Variants in NLRP2 observed in about 807,000 individuals in gnomAD.
NLRP2 encodes NACHT, LRR and PYD domains-containing protein 2.
NLRP2 carries 107 observed loss-of-function variants against 97.2 expected under a neutral mutation model. The ratio of observed to expected loss-of-function variants is 1.10; its 90% CI spans 0.94 to 1.29. The LOEUF (loss-of-function observed/expected upper bound fraction) is 1.29. NLRP2 is among the 50% of genes most tolerant of loss of function. NLRP2 has a pLI of 0.00. For missense variants in NLRP2, 1,495 were observed against 1,330.3 expected (o/e 1.12, Z -1.93); for synonymous variants, 663 against 551.5 (o/e 1.20, Z -2.83).
At chr19:54,987,066 G>T (rs1173763453) in intron 8 of NLRP2, among the ~76,000 whole-genome samples, 3 of 150,142 alleles carry the variant, frequency 2.0e-5, no homozygotes, top group Non-Finnish European at 4.4e-5. Flanking sequence ...TGTATTATTA[G>T]TAGAGATGGA....
chr19:54,982,779 G>T lies in NLRP2; in HGVS notation c.1081G>T (p.Glu361Ter). 5 of 1,614,084 alleles carry T rather than the reference G, an allele frequency of 3.1e-6. No homozygotes were observed. The highest frequency in any genetic ancestry group is 4.2e-6 in the Non-Finnish European group (5 of 1,179,974). Residue 361 changes from glutamate to a stop codon, truncating the protein, a stop_gained, in exon 6 of 13, where the codon GAG becomes TAG. Coordinates refer to ENST00000448584, the MANE Select transcript of NLRP2 (RefSeq NM_017852.5). LOFTEE classifies it high-confidence loss of function. ...PIYIRVEGFL[E>*]EDRRAYFLRH... The stretch of plus-strand genomic sequence containing the variant: ...CTACATAAGGGTGGAGGGCTTCCTG[G>T]AGGAGGACAGGAGGGCCTATTTCCT...
chr19:54,986,707 C>G (rs752028570), intron 8 of NLRP2, among the ~76,000 whole-genome samples: 23 of 152,064 alleles, frequency 1.5e-4, no homozygotes, highest in Non-Finnish European at 3.1e-4. Flanking sequence ...CCCGCCACCA[C>G]GCCCGGCTAA....
chr19:54,972,942 A>G lies in NLRP2; in HGVS notation c.281-1558A>G, dbSNP rs57206170. 1.7e-3 allele frequency among the ~76,000 whole-genome samples: 262 copies of G among 152,152 alleles called. 1 individual carries two copies. The highest frequency in any genetic ancestry group is 6.0e-3 in the African/African-American group (249 of 41,548). On this transcript the variant is annotated intron_variant, in intron 2 of 12. Transcript: ENST00000448584. ...AGTGGCTCACGCCTGTAATCACAGC[A>G]CTTTGGGAGGCCAAGGCGGGTGGAT...
At chr19:55,000,430 C>T (rs1177622962) in intron 12 of NLRP2, among the ~76,000 whole-genome samples, 1 of 150,848 alleles carries the variant, frequency 6.6e-6, no homozygotes, top group African/African-American at 2.4e-5. Flanking sequence ...GCGTCCGCCA[C>T]CACGCCCGGC....
chr19:54,982,093 GTTA>G (rs2071610713), intron 5 of NLRP2, 66 bp from the exon 6 acceptor site: 1 of 1,599,740 alleles, frequency 6.3e-7, no homozygotes, highest in Admixed American at 1.7e-5. Context: ...AAGGCATTTT[GTTA>G]TTTTGGTTTT....
chr19:55,000,723 GCA>G (rs748437049), intron 12 of NLRP2, 35 bp from the exon 13 acceptor site: 7 of 1,609,642 alleles, frequency 4.3e-6, no homozygotes, highest in Non-Finnish European at 5.9e-6. Context: ...TCTCCTTGAT[GCA>G]CAAAGTAACC....
At chr19:54,967,653 AAT>A (rs1555757639) in intron 1 of NLRP2, among the ~76,000 whole-genome samples, 1 of 151,914 alleles carries the variant, frequency 6.6e-6, no homozygotes, top group Non-Finnish European at 1.5e-5. Context: ...CAAAAAAAAA[AAT>A]ATATTGGAAC....
At chr19:54,996,920 T>G (rs1314617148) in intron 11 of NLRP2, among the ~76,000 whole-genome samples, 1 of 152,094 alleles carries the variant, frequency 6.6e-6, no homozygotes, top group Non-Finnish European at 1.5e-5. Context: ...TTTTGTTTGT[T>G]TTTTGAGACC....
chr19:54,982,033 C>T (rs2071607514), intron 5 of NLRP2, 129 bp from the exon 6 acceptor site: 5 of 1,178,212 alleles, frequency 4.2e-6, no homozygotes, highest in Non-Finnish European at 6.2e-6. Flanking sequence ...CTGCCTCGAC[C>T]TCCCAAAGGG....
chr19:54,969,987 T>G lies in NLRP2; in HGVS notation c.-17-12T>G. The G allele has an allele frequency of 6.2e-7, 1 of 1,612,202 alleles. No homozygotes were observed. Among genetic ancestry groups the G allele is most frequent in the Non-Finnish European group, 8.5e-7 (1 of 1,179,788 alleles). On this transcript the variant is annotated splice_polypyrimidine_tract_variant and intron_variant, in intron 1 of 12. Coordinates refer to ENST00000448584, the MANE Select transcript of NLRP2 (RefSeq NM_017852.5). ...CCATCCCTCTCCACTCCTCCCTTGA[T>G]TGTCATCACAGCTCCCACGTGGGAC... is the stretch of plus-strand genomic sequence containing the variant.
intron 8 of NLRP2, 100 bp from the exon 9 acceptor site, chr19:54,989,920 GGC>G: frequency 8.0e-7 from 1 of 1,248,214 alleles, no homozygotes; most frequent in African/African-American, 1.5e-5. Context: ...GAACCCAGGA[GGC>G]GGAGGTTGCT....
intron 10 of NLRP2, among the ~76,000 whole-genome samples, chr19:54,992,465 CTG>C (rs1251135438): frequency 7.1e-6 from 1 of 141,650 alleles, no homozygotes; most frequent in East Asian, 2.1e-4. Flanking sequence ...GACTCACTAA[CTG>C]TATCTTCAAA....
chr19:54,975,746 C>T (rs935226109), intron 3 of NLRP2, among the ~76,000 whole-genome samples: 4 of 151,912 alleles, frequency 2.6e-5, no homozygotes, highest in South Asian at 4.2e-4. Context: ...GCCACCGCGC[C>T]CGGCCCCTGA....
intron 8 of NLRP2, among the ~76,000 whole-genome samples, chr19:54,986,939 C>T (rs930085249): frequency 4.6e-5 from 7 of 151,808 alleles, no homozygotes; most frequent in East Asian, 1.9e-4. Context: ...GGCTGGAGTG[C>T]GTTGGTATGA....
At chr19:54,992,498 TTGTGTG>T (rs994495891) in intron 10 of NLRP2, among the ~76,000 whole-genome samples, 37 of 141,180 alleles carry the variant, frequency 2.6e-4, no homozygotes, top group Non-Finnish European at 3.5e-4. Flanking sequence ...GTTTTTTTGG[TTGTGTG>T]TGTGTGTGGT....
intron 10 of NLRP2, chr19:54,993,917 A>C: frequency 2.7e-6 from 1 of 369,354 alleles, no homozygotes. Flanking sequence ...GAGCATCTTC[A>C]AACGTTGCCC....
Position 54,993,942 on chromosome 19 carries a change from C to T in NLRP2, c.2709-327C>T, listed in dbSNP as rs143865943. ...AAACGTTGCCCTGGCTCCCTTATCA[C>T]GTCACCTCCTGCTGGCTTTGACTCT... On this transcript the variant is annotated intron_variant, in intron 10 of 12. Transcript: ENST00000448584. 4.6e-5 allele frequency: 20 copies of T among 438,504 alleles called. No homozygotes were observed. In the East Asian group the frequency reaches 5.4e-4, roughly 12 times the overall value. 27.2% of individuals were successfully genotyped at this position (438,504 alleles called of 1,614,324 possible).
At position 54,981,691 on chromosome 19, in the gene NLRP2, C is replaced by T; in HGVS notation, c.463+9C>T. ...TAAAGGAAAAAAGCCAGGTCTGTAC[C>T]ATATCTTCCTGCAGGGAGCTTGGGA... On this transcript the variant is annotated intron_variant, in intron 5 of 12. Coordinates refer to ENST00000448584, the MANE Select transcript of NLRP2 (RefSeq NM_017852.5). 1 of 1,454,486 alleles carries T rather than the reference C, an allele frequency of 6.9e-7. No homozygotes were observed. The highest frequency in any genetic ancestry group is 9.7e-7 in the Non-Finnish European group (1 of 1,034,292). 90.1% of individuals were successfully genotyped at this position (1,454,486 alleles called of 1,614,324 possible). A position where few individuals can be genotyped will look rare whatever the true frequency, so the allele number is the denominator to read the frequency against.
rs201748462 is a variant in NLRP2 at position 54,977,736 on chromosome 19, C to A, written c.326-16C>A. On this transcript the variant is annotated splice_polypyrimidine_tract_variant and intron_variant, in intron 3 of 12. Coordinates refer to ENST00000448584, the MANE Select transcript of NLRP2 (RefSeq NM_017852.5). The stretch of plus-strand genomic sequence containing the variant: ...CAGCACAGCAACAGGCCTGTAATGC[C>A]GCCCTTTTTCTCCAGGGATAACACG... 3 of 1,613,502 alleles carry A rather than the reference C, an allele frequency of 1.9e-6. No individual in the cohort carries two copies.
Sources: gnomAD v4.1 joint callset for allele counts (sites outside exome capture counted in the v4.1 genomes callset) on GRCh38, gnomAD v4.1.1 for gene constraint, MANE v1.5 for transcripts, NCBI Gene and HGNC (gene_info 2026-07-23, HGNC 2026-07-21) for gene names.